VPS37A: variants seen among roughly 807,000 people sequenced by gnomAD.
VPS37A encodes VPS37A subunit of ESCRT-I.
In VPS37A, 30 loss-of-function variants were observed where a neutral mutation model predicts 49.8. The observed-to-expected ratio is 0.60, with a 90% CI of 0.45 to 0.82. The LOEUF is 0.82. VPS37A is among the 40% of genes least tolerant of loss of function. The pLI, the probability that VPS37A is intolerant of heterozygous loss-of-function variation, is 0.00. For missense variants in VPS37A, 593 were observed against 464.4 expected, an observed-to-expected ratio of 1.28 and a Z score of -2.55; for synonymous variants, 195 against 160.6, an observed-to-expected ratio of 1.21 and a Z score of -1.62.
At chr8:17,318,556 T>C in the VPS37A span, among the ~76,000 whole-genome samples, 11 of 152,204 alleles carry the variant, frequency 7.2e-5, no homozygotes, top group Admixed American at 7.2e-4. Flanking sequence ...GGACTCGCTC[T>C]TCCTGTGGTT....
At chr8:17,294,402 G>C (rs1490114016) in intron 11 of VPS37A, among the ~76,000 whole-genome samples, 1 of 152,182 alleles carries the variant, frequency 6.6e-6, no homozygotes. Flanking sequence ...ATAGGGGTGG[G>C]ATCCGCTGAG....
chr8:17,264,485 C>T (rs1459252966), intron 1 of VPS37A, among the ~76,000 whole-genome samples: 1 of 152,126 alleles, frequency 6.6e-6, no homozygotes, highest in Non-Finnish European at 1.5e-5. Context: ...TTTTCTTAAT[C>T]GTTTTTTCTA....
At chr8:17,257,027 C>T (rs1021079352) in intron 1 of VPS37A, among the ~76,000 whole-genome samples, 1 of 152,194 alleles carries the variant, frequency 6.6e-6, no homozygotes, top group African/African-American at 2.4e-5. Context: ...AGCATTTCCT[C>T]AATGTTTTCT....
chr8:17,299,811 T>C (rs1346834186), downstream of VPS37A: 17 of 1,593,208 alleles, frequency 1.1e-5, no homozygotes, highest in Non-Finnish European at 1.5e-5. Flanking sequence ...TTCCCTTGTT[T>C]TTGGAAGTGT....
At chr8:17,270,732 A>T (rs955536041) in intron 4 of VPS37A, among the ~76,000 whole-genome samples, 2 of 152,142 alleles carry the variant, frequency 1.3e-5, no homozygotes, top group Non-Finnish European at 2.9e-5. Context: ...AGTCGGTCAC[A>T]TTCTTCCTCC....
chr8:17,302,003 G>T, downstream of VPS37A: 1 of 1,009,578 alleles, frequency 9.9e-7, no homozygotes, highest in Non-Finnish European at 1.5e-6. Context: ...GGTTATCTGA[G>T]TCCTGACCTG....
At chr8:17,316,393 CTTAAA>C in the VPS37A span, among the ~76,000 whole-genome samples, 77 of 151,460 alleles carry the variant, frequency 5.1e-4, no homozygotes, top group African/African-American at 1.6e-3. Flanking sequence ...CACTCTATAT[CTTAAA>C]TTATTTATCC....
chr8:17,299,561 A>AGAT, downstream of VPS37A: 1 of 294,216 alleles, frequency 3.4e-6, no homozygotes, highest in East Asian at 6.7e-5. Context: ...CAAGGAAGAT[A>AGAT]GATACTGATC....
chr8:17,268,924 A>G lies in VPS37A; in HGVS notation c.384A>G (p.Pro128=). The change falls in exon 4 of 12, where the codon CCA becomes CCG. Residue 128 remains proline (P), a synonymous_variant. Coordinates refer to ENST00000324849, the MANE Select transcript of VPS37A (RefSeq NM_152415.3). ...TGGATGAGTTTTGGAAGAATCCTCC[A>G]GTTTTAGCTCCTACTTCAACAGCAT... The part of the protein sequence containing the change: ...SLLDEFWKNP[P]VLAPTSTAFP... 6 of 1,610,446 alleles carry G rather than the reference A, an allele frequency of 3.7e-6. No individual in the cohort carries two copies. The highest frequency in any genetic ancestry group is 4.2e-6 in the Non-Finnish European group (5 of 1,179,202).
At chr8:17,306,655 A>C (rs1817473883), downstream of VPS37A, among the ~76,000 whole-genome samples, 1 of 152,208 alleles carries the variant, frequency 6.6e-6, no homozygotes, top group African/African-American at 2.4e-5. Context: ...CATCAAAGAC[A>C]AAATAACAAT....
intron 6 of VPS37A, 95 bp from the exon 7 acceptor site, chr8:17,279,933 T>C (rs1814881078): frequency 6.6e-7 from 1 of 1,514,752 alleles, no homozygotes; most frequent in South Asian, 1.1e-5. Flanking sequence ...TTTAGAACCC[T>C]ATCAGTTAAC....
chr8:17,319,764 A>G, the VPS37A span, among the ~76,000 whole-genome samples: 1 of 152,058 alleles, frequency 6.6e-6, no homozygotes, highest in African/African-American at 2.4e-5. Context: ...ACGAGGCTCC[A>G]GTCTGGCTCC....
At chr8:17,266,786 A>G (rs1354712805) in intron 2 of VPS37A, among the ~76,000 whole-genome samples, 1 of 152,062 alleles carries the variant, frequency 6.6e-6, no homozygotes, top group African/African-American at 2.4e-5. Context: ...TTATTTACTT[A>G]TTTTTGAGAC....
chr8:17,327,921 A>G, the VPS37A span, among the ~76,000 whole-genome samples: 1 of 152,192 alleles, frequency 6.6e-6, no homozygotes, highest in East Asian at 1.9e-4. Flanking sequence ...ATAATACCAC[A>G]TACTGCACAC....
chr8:17,320,981 T>TA, the VPS37A span, among the ~76,000 whole-genome samples: 1 of 147,486 alleles, frequency 6.8e-6, no homozygotes, highest in African/African-American at 2.5e-5. Flanking sequence ...CTTCCATAGA[T>TA]AACATTCTCT....
In VPS37A at chr8:17,280,263, G is replaced by T. The variant is rs376210724; in HGVS notation, c.866G>T (p.Ser289Ile). 6 of 1,612,712 alleles carry T rather than the reference G, an allele frequency of 3.7e-6. No homozygotes were observed. The highest frequency in any genetic ancestry group is 5.1e-6 in the Non-Finnish European group (6 of 1,179,278). The change falls in exon 8 of 12, where the codon AGC becomes ATC. Residue 289 changes from serine (S) to isoleucine (I), a missense_variant. Physicochemically the swap from Ser to Ile is moderately radical, Grantham distance 142. Transcript: ENST00000324849. ...GGAAAAAATCTCCTTTTGGAGCCCAGCTTGGAAGCCAAAAGACAAACTGTT... is the reference window on the plus strand; with the variant it reads ...GGAAAAAATCTCCTTTTGGAGCCCATCTTGGAAGCCAAAAGACAAACTGTT... Reference protein sequence around the residue: ...LARKNLLLEPSLEAKRQTVLD... With the variant: ...LARKNLLLEPILEAKRQTVLD...
chr8:17,331,421 C>A, the VPS37A span: 1 of 838,524 alleles, frequency 1.2e-6, no homozygotes, highest in Non-Finnish European at 1.8e-6. Context: ...TGAATCACTG[C>A]AACCTTGTAC....
the VPS37A span, among the ~76,000 whole-genome samples, chr8:17,324,053 G>A: frequency 6.6e-6 from 1 of 152,098 alleles, no homozygotes; most frequent in Non-Finnish European, 1.5e-5. Context: ...AATGTCAAAC[G>A]CTTTGGCTTT....
chr8:17,290,477 C>T (rs1010056184), intron 11 of VPS37A, among the ~76,000 whole-genome samples: 10 of 152,148 alleles, frequency 6.6e-5, no homozygotes, highest in Non-Finnish European at 1.0e-4. Flanking sequence ...TCGTGGATTA[C>T]GTTTATTGAT....
Sources: allele counts gnomAD v4.1 joint callset (sites outside exome capture counted in the v4.1 genomes callset), GRCh38; gene constraint gnomAD v4.1.1; transcripts MANE v1.5; gene names NCBI Gene and HGNC (gene_info 2026-07-23, HGNC 2026-07-21).